Variants in TTLL5 observed in about 807,000 individuals in gnomAD.
TTLL5 encodes the protein tubulin polyglutamylase TTLL5.
In TTLL5, 132 loss-of-function variants were observed where a neutral mutation model predicts 168.4. The ratio of observed to expected loss-of-function variants is 0.78; its 90% CI spans 0.68 to 0.91. The LOEUF is 0.91. Ranked by LOEUF, TTLL5 falls within the 40% of genes least tolerant of loss-of-function variation. The pLI is 0.00. For synonymous variants in TTLL5, 546 were observed against 558.6 expected (o/e 0.98, Z 0.32); for missense variants, 1,545 against 1,581.5 (o/e 0.98, Z 0.39).
At chr14:75,928,342 CATATATATAT>C (rs3034073) in intron 31 of TTLL5, among the ~76,000 whole-genome samples, 1,578 of 82,008 alleles carry the variant, frequency 0.019, 182 homozygotes, top group Admixed American at 0.16. Flanking sequence ...ATGACAAAAA[CATATATATAT>C]ATATATATAT....
At chr14:75,880,664 A>C (rs530452560) in intron 29 of TTLL5, among the ~76,000 whole-genome samples, 1 of 152,120 alleles carries the variant, frequency 6.6e-6, no homozygotes, top group Non-Finnish European at 1.5e-5. Context: ...CTTCCAATTG[A>C]GTTTCTCACA....
intron 14 of TTLL5, among the ~76,000 whole-genome samples, chr14:75,734,376 C>A (rs988658759): frequency 6.6e-6 from 1 of 152,166 alleles, no homozygotes; most frequent in African/African-American, 2.4e-5. Flanking sequence ...GCAAAGGAGA[C>A]TGGCTATATT....
intron 17 of TTLL5, among the ~76,000 whole-genome samples, chr14:75,746,348 C>A (rs1321559633): frequency 6.6e-6 from 1 of 152,102 alleles, no homozygotes; most frequent in African/African-American, 2.4e-5. Context: ...GGGTTGTGTT[C>A]AGTTATGGTC....
At chr14:75,706,399 G>A (rs1021660048) in intron 7 of TTLL5, among the ~76,000 whole-genome samples, 1 of 152,214 alleles carries the variant, frequency 6.6e-6, no homozygotes, top group Non-Finnish European at 1.5e-5. Flanking sequence ...AGTGCCATAT[G>A]CAGTGTCCAC....
At position 75,836,538 on chromosome 14, in the gene TTLL5, A is replaced by C. The variant is rs1895878735; in HGVS notation, c.3326+16377A>C. ...TAATTTAATTATACATTTTTAAGTA[A>C]CTAAAAGAGTGTAATTGGACTGTAT... On this transcript the variant is annotated intron_variant, in intron 28 of 31. Transcript: ENST00000298832. 2.0e-5 allele frequency among the ~76,000 whole-genome samples: 3 copies of C among 152,294 alleles called. 1 individual carries two copies. The highest frequency in any genetic ancestry group is 2.0e-4 in the Admixed American group (3 of 15,302).
intron 31 of TTLL5, among the ~76,000 whole-genome samples, chr14:75,945,092 A>G (rs2140204901): frequency 6.6e-6 from 1 of 151,744 alleles, no homozygotes; most frequent in Non-Finnish European, 1.5e-5. Context: ...ATAAAACCCC[A>G]AGTCAGAAGG....
chr14:75,798,639 C>A (rs986063645), intron 27 of TTLL5, among the ~76,000 whole-genome samples: 1 of 152,034 alleles, frequency 6.6e-6, no homozygotes, highest in Non-Finnish European at 1.5e-5. Flanking sequence ...TTTGCTGTAT[C>A]CCAGAGATTT....
chr14:75,775,450 C>CTTT, intron 21 of TTLL5, 34 bp from the exon 22 acceptor site: 4 of 1,585,898 alleles, frequency 2.5e-6, no homozygotes, highest in Admixed American at 1.7e-5. Context: ...ACCATCCCTC[C>CTTT]TTTTTTTTTC....
At chr14:75,818,644 C>T (rs922230355) in intron 27 of TTLL5, 17 of 175,014 alleles carry the variant, frequency 9.7e-5, no homozygotes, top group African/African-American at 3.4e-4. Context: ...CCTGCCACCA[C>T]GCCTGGCTAA....
At chr14:75,687,539 G>A (rs914924349) in intron 5 of TTLL5, among the ~76,000 whole-genome samples, 3 of 152,124 alleles carry the variant, frequency 2.0e-5, no homozygotes, top group African/African-American at 7.2e-5. Flanking sequence ...CTCCCAAAGT[G>A]CTGGGATTAC....
intron 2 of TTLL5, among the ~76,000 whole-genome samples, chr14:75,665,774 C>A (rs1209139698): frequency 6.6e-6 from 1 of 152,134 alleles, no homozygotes; most frequent in Non-Finnish European, 1.5e-5. Flanking sequence ...ATCGCTTGAA[C>A]CTGGAAGGCA....
At chr14:75,852,177 A>G (rs776691211) in intron 28 of TTLL5, among the ~76,000 whole-genome samples, 6 of 152,166 alleles carry the variant, frequency 3.9e-5, no homozygotes, top group Non-Finnish European at 7.3e-5. Flanking sequence ...AGCCTTAGTC[A>G]CTGCATTGCT....
chr14:75,790,728 G>A (rs1044889797), intron 26 of TTLL5, among the ~76,000 whole-genome samples: 1 of 151,494 alleles, frequency 6.6e-6, no homozygotes, highest in Admixed American at 6.6e-5. Flanking sequence ...GCCTCCCAAA[G>A]TGCTGGGATT....
At chr14:75,804,179 T>TG (rs1595068012) in intron 27 of TTLL5, among the ~76,000 whole-genome samples, 1 of 151,744 alleles carries the variant, frequency 6.6e-6, no homozygotes, top group Admixed American at 6.6e-5. Context: ...AGATGGAGAG[T>TG]GGGAAAAAAA....
intron 29 of TTLL5, among the ~76,000 whole-genome samples, chr14:75,874,076 C>CTTTATTTATTTATTTATTTA (rs143951017): frequency 2.0e-5 from 3 of 149,856 alleles, no homozygotes; most frequent in African/African-American, 7.4e-5. Context: ...AATGGTTATT[C>CTTTATTTATTTATTTATTTA]TTTATTTATT....
intron 18 of TTLL5, among the ~76,000 whole-genome samples, chr14:75,757,289 A>AT (rs1011533240): frequency 1.1e-4 from 17 of 151,456 alleles, no homozygotes; most frequent in Middle Eastern, 6.8e-3. Context: ...TTTAATAGAG[A>AT]TTTTTTTTTA....
intron 27 of TTLL5, among the ~76,000 whole-genome samples, chr14:75,797,891 T>C (rs1359289587): frequency 6.6e-6 from 1 of 152,114 alleles, no homozygotes; most frequent in Non-Finnish European, 1.5e-5. Context: ...ATCAGAGATA[T>C]TGGTCTGTAG....
rs1187177471 is a variant in TTLL5 at position 75,707,025 on chromosome 14, A to G, written c.593A>G (p.Gln198Arg). The G allele has an allele frequency of 1.9e-6, 3 of 1,609,974 alleles. No individual in the cohort carries two copies. The South Asian group carries it at 3.3e-5, about 18-fold the overall frequency. ...TTTCTCTTTACTCAATAGCCAAACC[A>G]GATCTCCCTGGAAGAGAACATTTTG... ...RGVYLINNPN[Q>R]ISLEENILVS... Residue 198 changes from glutamine to arginine, a missense_variant, in exon 8 of 32, where the codon CAG (glutamine) becomes CGG (arginine). Physicochemically the swap from Gln to Arg is conservative, Grantham distance 43. Transcript: ENST00000298832.
chr14:75,928,060 G>T (rs143416839), intron 31 of TTLL5, among the ~76,000 whole-genome samples: 1 of 152,002 alleles, frequency 6.6e-6, no homozygotes. Flanking sequence ...CCCCTGGTTT[G>T]CTGGGATGCT....
Sources: allele counts gnomAD v4.1 joint callset (sites outside exome capture counted in the v4.1 genomes callset), GRCh38; gene constraint gnomAD v4.1.1; transcripts MANE v1.5; gene names NCBI Gene and HGNC (gene_info 2026-07-23, HGNC 2026-07-21).